Variants in SIPA1L3 observed in about 807,000 individuals in gnomAD.
SIPA1L3 encodes the protein signal induced proliferation associated 1 like 3.
In SIPA1L3, 59 loss-of-function variants were observed where a neutral mutation model predicts 150.1. The ratio of observed to expected loss-of-function variants is 0.39; its 90% CI spans 0.32 to 0.49. SIPA1L3 has a LOEUF of 0.49. SIPA1L3 is among the 20% of genes least tolerant of loss of function. SIPA1L3 has a pLI of 0.86. For synonymous variants in SIPA1L3, 1,070 were observed against 1,077.6 expected, an observed-to-expected ratio of 0.99 and a Z score of 0.14; for missense variants, 2,211 against 2,489.5, an observed-to-expected ratio of 0.89 and a Z score of 2.38.
intron 1 of SIPA1L3, among the ~76,000 whole-genome samples, chr19:37,991,976 G>A (rs961796073): frequency 5.0e-4 from 76 of 152,220 alleles, no homozygotes; most frequent in African/African-American, 1.8e-3. Context: ...TACCTGCCTC[G>A]TTGACTTTGG....
In SIPA1L3 at chr19:37,962,463, C is replaced by CTTTTT. The variant is rs71177491; in HGVS notation, c.-379+55124_-379+55128dup. 2.1e-4 allele frequency among the ~76,000 whole-genome samples: 15 copies of CTTTTT among 73,094 alleles called. 1 individual carries two copies. Among genetic ancestry groups the CTTTTT allele is most frequent in the East Asian group, 1.2e-3 (2 of 1,606 alleles). 48.0% of individuals were successfully genotyped at this position (73,094 alleles called of 152,430 possible). On this transcript the variant is annotated intron_variant, in intron 1 of 21. Coordinates refer to ENST00000222345, the MANE Select transcript of SIPA1L3 (RefSeq NM_015073.3). The stretch of plus-strand genomic sequence containing the variant: ...TTGGCCATGAGCCACTGCAGCCGGC[C>CTTTTT]TTTTTTTTTTTTTTTTTTTTTTTGA...
chr19:38,081,540 C>G lies in SIPA1L3; in HGVS notation c.-26C>G, dbSNP rs1404215087. The G allele has an allele frequency of 6.4e-6, 10 of 1,551,208 alleles. No homozygotes were observed. The highest frequency in any genetic ancestry group is 2.7e-5 in the African/African-American group (2 of 73,612). ...AGAGTGACACCACAGCGTACGGGGCCAGCAGCACTCCAGTGCCCGTGGACT... is the reference window on the plus strand; with the variant it reads ...AGAGTGACACCACAGCGTACGGGGCGAGCAGCACTCCAGTGCCCGTGGACT... On this transcript the variant is annotated 5_prime_UTR_variant, in exon 3 of 22. Coordinates refer to ENST00000222345, the MANE Select transcript of SIPA1L3 (RefSeq NM_015073.3).
chr19:38,029,329 G>T (rs1050982871), intron 2 of SIPA1L3, among the ~76,000 whole-genome samples, 173 bp downstream of exon 2: 2 of 152,114 alleles, frequency 1.3e-5, no homozygotes, highest in Non-Finnish European at 2.9e-5. Context: ...TCAGTCACTG[G>T]CTGGGTGCCC....
At chr19:38,188,265 AGCCTCT>A (rs1045475021) in intron 16 of SIPA1L3, among the ~76,000 whole-genome samples, 33 of 151,832 alleles carry the variant, frequency 2.2e-4, no homozygotes, top group African/African-American at 7.7e-4. Flanking sequence ...AGCTCACTGC[AGCCTCT>A]GCCTCCTGGT....
chr19:38,153,061 A>G lies in SIPA1L3; in HGVS notation c.3661+94A>G, dbSNP rs1600142302. ...GACAGGCAACACTCCCCCTCTTGTG[A>G]GTGACGGATAAAACACAAAAGAAAG... On this transcript the variant is annotated intron_variant, in intron 13 of 21. Coordinates refer to ENST00000222345, the MANE Select transcript of SIPA1L3 (RefSeq NM_015073.3). The G allele has an allele frequency of 1.2e-5, 18 of 1,445,510 alleles. No individual in the cohort carries two copies. The East Asian group carries it at 4.1e-4, about 33-fold the overall frequency. The allele number at this position is 1,445,510 out of a possible 1,614,324, so 89.5% of individuals were successfully genotyped here.
At chr19:38,042,804 T>C (rs1397674498) in intron 2 of SIPA1L3, among the ~76,000 whole-genome samples, 1 of 152,220 alleles carries the variant, frequency 6.6e-6, no homozygotes, top group Non-Finnish European at 1.5e-5. Context: ...ACTAGTTCTC[T>C]CACATCCCCA....
rs78841774 is a variant in SIPA1L3, at chr19:38,008,118, G to C, written c.-378-20971G>C. Among the ~76,000 whole-genome samples the C allele has an allele frequency of 3.9e-4, 59 of 151,906 alleles. No individual in the cohort carries two copies. The East Asian group carries it at 0.011, about 28-fold the overall frequency. On this transcript the variant is annotated intron_variant, in intron 1 of 21. Transcript: ENST00000222345. ...CAGATGCGGACCTCAGGCCCCCAGA[G>C]GCCTTGCCCTCTTTTCATGGACTCT...
At chr19:38,038,369 G>A (rs565241520) in intron 2 of SIPA1L3, among the ~76,000 whole-genome samples, 5 of 152,220 alleles carry the variant, frequency 3.3e-5, no homozygotes, top group Admixed American at 1.3e-4. Flanking sequence ...CAGGTGAGCA[G>A]ATCACCTGTC....
chr19:38,135,984 C>A (rs62121441), intron 10 of SIPA1L3, among the ~76,000 whole-genome samples: 2 of 151,854 alleles, frequency 1.3e-5, no homozygotes, highest in Non-Finnish European at 2.9e-5. Context: ...CTCTCAGACA[C>A]CGAGGAGAAT....
In SIPA1L3 at chr19:38,208,178, CT is replaced by C. The variant is rs1568614037; in HGVS notation, c.*1939del. 1 of 151,784 alleles carries C rather than the reference CT, an allele frequency of 6.6e-6. No individual in the cohort carries two copies. Among genetic ancestry groups the C allele is most frequent in the Admixed American group, 6.6e-5 (1 of 15,200 alleles). The allele number at this position is 151,784 out of a possible 1,614,324, so 9.4% of individuals were successfully genotyped here. On this transcript the variant is annotated 3_prime_UTR_variant, in exon 22 of 22. Transcript: ENST00000222345. ...TTTAAGGATTTCTGCAAAAACAGAT[CT>C]ATTTAATTTGAGGTTGATGTTCTAT... is the stretch of plus-strand genomic sequence containing the variant.
At chr19:38,141,613 G>T (rs1221142306) in intron 11 of SIPA1L3, among the ~76,000 whole-genome samples, 178 bp downstream of exon 11, 4 of 151,844 alleles carry the variant, frequency 2.6e-5, no homozygotes, top group African/African-American at 9.7e-5. Flanking sequence ...AGCTTTCACC[G>T]TTGGCCTCTT....
chr19:38,131,307 G>T (rs1416887476), intron 10 of SIPA1L3, among the ~76,000 whole-genome samples: 1 of 152,246 alleles, frequency 6.6e-6, no homozygotes, highest in Non-Finnish European at 1.5e-5. Context: ...CACGATGGGA[G>T]AGCTGCTTAC....
rs1486818379 is a variant in SIPA1L3, at chr19:37,922,799, C to G, written c.-379+15441C>G. Among the ~76,000 whole-genome samples, 4 of 151,824 alleles carry G rather than the reference C, an allele frequency of 2.6e-5. No individual in the cohort carries two copies. The East Asian group carries it at 7.8e-4, about 29-fold the overall frequency. ...GGGTTCTCACCCTTCTGGGGCTCAC[C>G]TTCAAGTGGAAGAGTCAATCAACAA... On this transcript the variant is annotated intron_variant, in intron 1 of 21. Transcript: ENST00000222345.
intron 16 of SIPA1L3, among the ~76,000 whole-genome samples, chr19:38,190,307 T>C (rs1429731352): frequency 1.3e-5 from 2 of 152,336 alleles, no homozygotes; most frequent in East Asian, 1.9e-4. Flanking sequence ...CTGGGAAATA[T>C]TGAAATCAAA....
At chr19:37,946,220 G>T (rs1311474950) in intron 1 of SIPA1L3, among the ~76,000 whole-genome samples, 1 of 151,976 alleles carries the variant, frequency 6.6e-6, no homozygotes, top group African/African-American at 2.4e-5. Context: ...TATTCCGGAA[G>T]GGTCCAGTAC....
chr19:38,135,844 T>G (rs1971423066), intron 10 of SIPA1L3, among the ~76,000 whole-genome samples: 1 of 151,950 alleles, frequency 6.6e-6, no homozygotes, highest in African/African-American at 2.4e-5. Flanking sequence ...CTCTGGGCTT[T>G]CTCCAGCCTG....
At chr19:38,057,955 C>A (rs1041178739) in intron 2 of SIPA1L3, among the ~76,000 whole-genome samples, 1 of 152,164 alleles carries the variant, frequency 6.6e-6, no homozygotes, top group Admixed American at 6.5e-5. Context: ...AGCCACCATG[C>A]CCGGCCTGAG....
chr19:38,068,942 T>G (rs1435447466), intron 2 of SIPA1L3, among the ~76,000 whole-genome samples: 1 of 152,222 alleles, frequency 6.6e-6, no homozygotes. Context: ...CACGCCAGTG[T>G]GTAGCCCTGA....
intron 3 of SIPA1L3, among the ~76,000 whole-genome samples, chr19:38,085,532 C>G (rs1328527082): frequency 6.6e-6 from 1 of 150,758 alleles, no homozygotes; most frequent in Non-Finnish European, 1.5e-5. Flanking sequence ...AAGGAAAAAG[C>G]CAATGAGGCA....
Sources: gnomAD v4.1 joint callset for allele counts (sites outside exome capture counted in the v4.1 genomes callset) on GRCh38, gnomAD v4.1.1 for gene constraint, MANE v1.5 for transcripts, NCBI Gene and HGNC (gene_info 2026-07-23, HGNC 2026-07-21) for gene names.